The following MORN5 variants were observed in gnomAD, a reference collection of about 807,000 sequenced individuals.
MORN5 encodes the protein MORN repeat containing 5.
A neutral mutation model predicts 22.1 loss-of-function variants in MORN5; 21 were observed. That is an observed-to-expected ratio of 0.95 (90% confidence interval 0.67 to 1.37). The LOEUF (loss-of-function observed/expected upper bound fraction) is 1.37, where lower values mean the gene tolerates loss of function less well. Among genes scored for constraint, MORN5 ranks in the 40% most tolerant of loss-of-function variants. MORN5 has a pLI of 0.00. For missense variants in MORN5, 211 were observed against 215.1 expected (o/e 0.98, Z 0.12); for synonymous variants, 73 against 74.0 (o/e 0.99, Z 0.07).
intron 4 of MORN5, among the ~76,000 whole-genome samples, chr9:122,190,189 C>A (rs1049786356): frequency 1.3e-5 from 2 of 152,212 alleles, no homozygotes; most frequent in Admixed American, 6.5e-5. Context: ...ATATTCCTTG[C>A]CCTGACTTAG....
intron 1 of MORN5, among the ~76,000 whole-genome samples, chr9:122,163,490 A>G (rs1000009326): frequency 6.6e-6 from 1 of 152,208 alleles, no homozygotes; most frequent in East Asian, 1.9e-4. Flanking sequence ...AAGAGATAGT[A>G]TTTGAAATGG....
intron 1 of MORN5, among the ~76,000 whole-genome samples, chr9:122,165,171 C>T (rs1829255644): frequency 1.3e-5 from 2 of 152,098 alleles, no homozygotes; most frequent in Admixed American, 1.3e-4. Context: ...TGAATGAAAG[C>T]ATATTTATTA....
At chr9:122,173,680 G>A (rs1046166582) in intron 3 of MORN5, among the ~76,000 whole-genome samples, 12 of 152,074 alleles carry the variant, frequency 7.9e-5, no homozygotes, top group Non-Finnish European at 1.3e-4. Context: ...CATACCTAGC[G>A]TGCATGACCT....
At chr9:122,195,421 C>A (rs1214013119) in intron 4 of MORN5, among the ~76,000 whole-genome samples, 2 of 152,166 alleles carry the variant, frequency 1.3e-5, no homozygotes, top group Non-Finnish European at 2.9e-5. Flanking sequence ...AGGATCCCAT[C>A]CTGTCTCCTT....
chr9:122,199,792 T>C (rs1438228039), intron 4 of MORN5, 93 bp from the exon 5 acceptor site: 2 of 1,197,836 alleles, frequency 1.7e-6, no homozygotes, highest in East Asian at 2.3e-5. Context: ...CGACGGACCA[T>C]CCCAGTCCCA....
At chr9:122,196,160 T>C (rs998559742) in intron 4 of MORN5, among the ~76,000 whole-genome samples, 3 of 151,662 alleles carry the variant, frequency 2.0e-5, no homozygotes, top group Non-Finnish European at 2.9e-5. Flanking sequence ...GGTTTTGCCA[T>C]GTTGCCCAGG....
At chr9:122,169,975 C>T (rs1264138745) in intron 3 of MORN5, among the ~76,000 whole-genome samples, 4 of 152,188 alleles carry the variant, frequency 2.6e-5, no homozygotes, top group African/African-American at 4.8e-5. Flanking sequence ...AGGGACTTTA[C>T]CCACTGCGCC....
In MORN5 at chr9:122,174,478, C is replaced by G. The variant is rs199705773; in HGVS notation, c.308-18C>G. ...TTGGCCTTCATGGTGAACTAATTGC[C>G]CATTATGTTCTTTCAAGGTATGGCT... is the stretch of plus-strand genomic sequence containing the variant. On this transcript the variant is annotated intron_variant, in intron 3 of 4. Coordinates refer to ENST00000373764, the MANE Select transcript of MORN5 (RefSeq NM_198469.4). The G allele has an allele frequency of 5.3e-5, 86 of 1,612,170 alleles. No homozygotes were observed. Among genetic ancestry groups the G allele is most frequent in the Non-Finnish European group, 7.0e-5 (82 of 1,179,176 alleles).
intron 4 of MORN5, 94 bp from the exon 5 acceptor site, chr9:122,199,791 A>G: frequency 8.4e-7 from 1 of 1,184,178 alleles, no homozygotes; most frequent in Non-Finnish European, 1.3e-6. Flanking sequence ...TCGACGGACC[A>G]TCCCAGTCCC....
At chr9:122,177,707 A>T (rs918118092) in intron 4 of MORN5, among the ~76,000 whole-genome samples, 1 of 152,216 alleles carries the variant, frequency 6.6e-6, no homozygotes, top group African/African-American at 2.4e-5. Context: ...TGCTGGAATT[A>T]CCTGACACTG....
At position 122,178,726 on chromosome 9, in the gene MORN5, G is replaced by A. The variant is rs560624307; in HGVS notation, c.439+4099G>A. Among the ~76,000 whole-genome samples, 92 of 152,226 alleles carry A rather than the reference G, an allele frequency of 6.0e-4. No individual in the cohort carries two copies. In the South Asian group the frequency reaches 0.018, roughly 30 times the overall value. On this transcript the variant is annotated intron_variant, in intron 4 of 4. Coordinates refer to ENST00000373764, the MANE Select transcript of MORN5 (RefSeq NM_198469.4). ...ATTGTTCTGGCTTTTTACCAGTAGG[G>A]TGATCAAAACCTTCATTCCTGAAGG...
chr9:122,173,741 T>C (rs1460580399), intron 3 of MORN5, among the ~76,000 whole-genome samples: 1 of 152,186 alleles, frequency 6.6e-6, no homozygotes, highest in Non-Finnish European at 1.5e-5. Flanking sequence ...GTGTCCCTGG[T>C]CCTGTGGCTG....
intron 4 of MORN5, among the ~76,000 whole-genome samples, chr9:122,186,725 C>T (rs964210887): frequency 8.5e-5 from 13 of 152,160 alleles, no homozygotes; most frequent in Non-Finnish European, 1.8e-4. Flanking sequence ...TGGAGGCATT[C>T]GAAGGACACA....
chr9:122,176,433 T>C (rs1829452660), intron 4 of MORN5, among the ~76,000 whole-genome samples: 1 of 152,198 alleles, frequency 6.6e-6, no homozygotes, highest in South Asian at 2.1e-4. Flanking sequence ...GGGCCTTTAA[T>C]ATGCTAATAA....
intron 4 of MORN5, among the ~76,000 whole-genome samples, chr9:122,190,470 A>G (rs1829738093): frequency 6.6e-6 from 1 of 152,374 alleles, no homozygotes; most frequent in South Asian, 2.1e-4. Flanking sequence ...AATTGTTTTG[A>G]TTTCTAAATT....
intron 4 of MORN5, among the ~76,000 whole-genome samples, chr9:122,184,245 C>A (rs947239313): frequency 8.5e-5 from 13 of 152,190 alleles, no homozygotes; most frequent in African/African-American, 3.1e-4. Flanking sequence ...GCCTGCCTCC[C>A]CAGGTTTCCC....
At chr9:122,187,212 G>T (rs1829655815) in intron 4 of MORN5, among the ~76,000 whole-genome samples, 1 of 152,232 alleles carries the variant, frequency 6.6e-6, no homozygotes, top group South Asian at 2.1e-4. Context: ...GTGAAAAGGT[G>T]AAAAGCAGGG....
rs372552206 is a variant in MORN5 at position 122,197,469 on chromosome 9, C to T, written c.440-2416C>T. 2.6e-5 allele frequency among the ~76,000 whole-genome samples: 4 copies of T among 152,248 alleles called. No individual in the cohort carries two copies. The East Asian group carries it at 5.8e-4, about 22-fold the overall frequency. Reference sequence around the variant, plus strand: ...TTTTAAATATTGATGAAATGTGCTTCGGCAACCTCACCCTGGCGTGGCAGG... The same window carrying T: ...TTTTAAATATTGATGAAATGTGCTTTGGCAACCTCACCCTGGCGTGGCAGG... On this transcript the variant is annotated intron_variant, in intron 4 of 4. Transcript: ENST00000373764. The surrounding 1 kb of genome is among the most constrained non-coding windows in gnomAD (Gnocchi z 5.7).
At chr9:122,176,920 T>C (rs148827216) in intron 4 of MORN5, among the ~76,000 whole-genome samples, 27 of 152,248 alleles carry the variant, frequency 1.8e-4, no homozygotes, top group African/African-American at 5.3e-4. Context: ...TATCAGGAAA[T>C]TGATGGCTAC....
Sources: gnomAD v4.1 joint callset for allele counts (sites outside exome capture counted in the v4.1 genomes callset) on GRCh38, gnomAD v4.1.1 for gene constraint, Gnocchi (gnomAD v3.1) non-coding constraint, MANE v1.5 for transcripts, NCBI Gene and HGNC (gene_info 2026-07-23, HGNC 2026-07-21) for gene names.